CACNA2D3: variants seen among roughly 807,000 people sequenced by gnomAD.
CACNA2D3 encodes the protein calcium voltage-gated channel auxiliary subunit alpha2delta 3.
CACNA2D3 carries 60 observed loss-of-function variants against 160.6 expected under a neutral mutation model. The observed-to-expected ratio is 0.37, with a 90% CI of 0.30 to 0.46. The LOEUF is 0.46. CACNA2D3 is among the 20% of genes least tolerant of loss of function. CACNA2D3 has a pLI of 1.00. For synonymous variants in CACNA2D3, 558 were observed against 492.9 expected, an observed-to-expected ratio of 1.13 and a Z score of -1.75; for missense variants, 1,205 against 1,365.0, an observed-to-expected ratio of 0.88 and a Z score of 1.85.
intron 2 of CACNA2D3, among the ~76,000 whole-genome samples, chr3:54,260,586 T>C (rs1013041249): frequency 6.6e-6 from 1 of 152,194 alleles, no homozygotes; most frequent in African/African-American, 2.4e-5. Context: ...ACCAGCAACA[T>C]ATGAACTTGT....
chr3:54,763,647 A>ATATATGTGTGTG (rs1702128086), intron 12 of CACNA2D3, among the ~76,000 whole-genome samples: 1 of 122,734 alleles, frequency 8.1e-6, no homozygotes, highest in African/African-American at 3.1e-5. Context: ...GTGTGTGTGT[A>ATATATGTGTGTG]TATATATGTG....
chr3:54,678,719 T>TA (rs1700286309), intron 11 of CACNA2D3, among the ~76,000 whole-genome samples: 1 of 10,494 alleles, frequency 9.5e-5, no homozygotes, highest in Non-Finnish European at 2.1e-4. Context: ...AGACTCGGTC[T>TA]CAAAAAAAAA....
At chr3:54,458,934 C>T (rs373946470) in intron 4 of CACNA2D3, among the ~76,000 whole-genome samples, 4 of 152,058 alleles carry the variant, frequency 2.6e-5, no homozygotes, top group Non-Finnish European at 2.9e-5. Flanking sequence ...TCCCCCACCC[C>T]ACAACAGGCC....
At position 54,141,812 on chromosome 3, in the gene CACNA2D3, A is replaced by G. The variant is rs184883683; in HGVS notation, c.204+18218A>G. ...ACAAGAAAACAACCTGAATTTGATA[A>G]TTTTATCCATTCATTTATTCATTCG... On this transcript the variant is annotated intron_variant, in intron 2 of 37. Transcript: ENST00000474759. Among the ~76,000 whole-genome samples the G allele has an allele frequency of 3.7e-4, 57 of 152,308 alleles. 1 individual carries two copies. The highest frequency in any genetic ancestry group is 5.7e-4 in the Non-Finnish European group (39 of 68,024).
chr3:54,510,229 G>GATGA (rs1249065036), intron 5 of CACNA2D3, among the ~76,000 whole-genome samples: 31 of 152,096 alleles, frequency 2.0e-4, no homozygotes, highest in African/African-American at 7.0e-4. Flanking sequence ...TGGATGGATG[G>GATGA]ATGGATGAAT....
chr3:54,220,898 G>A (rs981819921), intron 2 of CACNA2D3, among the ~76,000 whole-genome samples: 1 of 152,154 alleles, frequency 6.6e-6, no homozygotes, highest in Non-Finnish European at 1.5e-5. Flanking sequence ...GTGGCTTCCT[G>A]CCTTTCCTGC....
chr3:54,905,718 A>T (rs749559917), intron 27 of CACNA2D3, among the ~76,000 whole-genome samples: 19 of 152,160 alleles, frequency 1.2e-4, no homozygotes, highest in Non-Finnish European at 2.6e-4. Context: ...GGTAGAGGTC[A>T]GGAATGGTGC....
chr3:54,727,290 C>A (rs148200370), intron 11 of CACNA2D3, among the ~76,000 whole-genome samples: 1 of 152,136 alleles, frequency 6.6e-6, no homozygotes, highest in East Asian at 1.9e-4. Context: ...GAAATAGGAA[C>A]GCTCTTACAC....
intron 5 of CACNA2D3, among the ~76,000 whole-genome samples, chr3:54,538,706 C>T (rs1162160530): frequency 6.6e-6 from 1 of 152,170 alleles, no homozygotes; most frequent in Non-Finnish European, 1.5e-5. Flanking sequence ...TCTTCATTGC[C>T]TTTGGCCCTG....
At chr3:54,393,469 T>C (rs565308868) in intron 4 of CACNA2D3, among the ~76,000 whole-genome samples, 1 of 152,338 alleles carries the variant, frequency 6.6e-6, no homozygotes, top group South Asian at 2.1e-4. Context: ...TTGTTGCCAC[T>C]GAACCACCCT....
At chr3:54,625,052 C>T (rs1699066544) in intron 9 of CACNA2D3, among the ~76,000 whole-genome samples, 1 of 152,200 alleles carries the variant, frequency 6.6e-6, no homozygotes, top group South Asian at 2.1e-4. Context: ...TCCTGATGGG[C>T]CTTGAGAACT....
At chr3:54,977,493 T>C (rs1264983949) in intron 29 of CACNA2D3, among the ~76,000 whole-genome samples, 1 of 152,230 alleles carries the variant, frequency 6.6e-6, no homozygotes, top group African/African-American at 2.4e-5. Flanking sequence ...CAGAAAGATA[T>C]TGACCAAAGA....
intron 4 of CACNA2D3, among the ~76,000 whole-genome samples, chr3:54,500,926 T>C (rs1182302358): frequency 6.6e-6 from 1 of 152,196 alleles, no homozygotes; most frequent in Non-Finnish European, 1.5e-5. Context: ...TTTCTCACAG[T>C]TCTGGAGGCT....
chr3:54,506,525 G>A (rs1382835233), intron 5 of CACNA2D3, among the ~76,000 whole-genome samples: 2 of 152,166 alleles, frequency 1.3e-5, no homozygotes, highest in African/African-American at 2.4e-5. Flanking sequence ...CCTGGCAACT[G>A]GGCTGCTCAG....
intron 11 of CACNA2D3, among the ~76,000 whole-genome samples, chr3:54,709,225 G>T (rs1700911536): frequency 6.6e-6 from 1 of 151,858 alleles, no homozygotes; most frequent in Non-Finnish European, 1.5e-5. Context: ...ATATTGGCCA[G>T]GCTGGTCTCG....
In CACNA2D3 at chr3:54,923,127, T is replaced by C. The variant is rs190931430; in HGVS notation, c.2449+23259T>C. Among the ~76,000 whole-genome samples the C allele has an allele frequency of 2.8e-3, 424 of 152,270 alleles. 1 individual carries two copies. Among genetic ancestry groups the C allele is most frequent in the Non-Finnish European group, 5.0e-3 (342 of 68,028 alleles). ...TCCCAAGAGTCTACAGAGTGACCTT[T>C]TACATTGTAATCAGATCCTATTGTT... On this transcript the variant is annotated intron_variant, in intron 27 of 37. Transcript: ENST00000474759.
intron 4 of CACNA2D3, among the ~76,000 whole-genome samples, chr3:54,465,208 T>G (rs138729006): frequency 6.6e-6 from 1 of 152,088 alleles, no homozygotes; most frequent in Non-Finnish European, 1.5e-5. Flanking sequence ...TAATGAAATC[T>G]AAATCATTGT....
intron 11 of CACNA2D3, among the ~76,000 whole-genome samples, chr3:54,684,200 T>G (rs1444553228): frequency 6.6e-6 from 1 of 152,040 alleles, no homozygotes; most frequent in Non-Finnish European, 1.5e-5. Flanking sequence ...ACCCATGTAA[T>G]CTGCCCGTCT....
chr3:54,475,808 T>TG lies in CACNA2D3; in HGVS notation c.382-27684_382-27683insG, dbSNP rs1559492508. Among the ~76,000 whole-genome samples, 33 of 131,586 alleles carry TG rather than the reference T, an allele frequency of 2.5e-4. No individual in the cohort carries two copies. The South Asian group carries it at 4.5e-3, about 18-fold the overall frequency. The allele number at this position is 131,586 out of a possible 152,430, so 86.3% of individuals were successfully genotyped here. A position where few individuals can be genotyped will look rare whatever the true frequency, so the allele number is the denominator to read the frequency against. On this transcript the variant is annotated intron_variant, in intron 4 of 37. Transcript: ENST00000474759. The stretch of plus-strand genomic sequence containing the variant: ...TATCCATCTTCTCACATGGTTACCA[T>TG]TTGTGTGTGTGTGTGTGTGTGTGTG...
Sources: gnomAD v4.1 joint callset for allele counts (sites outside exome capture counted in the v4.1 genomes callset) on GRCh38, gnomAD v4.1.1 for gene constraint, MANE v1.5 for transcripts, NCBI Gene and HGNC (gene_info 2026-07-23, HGNC 2026-07-21) for gene names.